OSBPL8: variants seen among roughly 807,000 people sequenced by gnomAD.
OSBPL8 encodes the protein oxysterol-binding protein-related protein 8.
In OSBPL8, 59 loss-of-function variants were observed where a neutral mutation model predicts 125.5. That is an observed-to-expected ratio of 0.47 (90% CI 0.38 to 0.58). The LOEUF is 0.58. Among genes scored for constraint, OSBPL8 ranks in the 20% least tolerant of loss-of-function variants. OSBPL8 has a pLI of 0.00. For synonymous variants in OSBPL8, 330 were observed against 338.9 expected (o/e 0.97, Z 0.29); for missense variants, 758 against 1,047.8 (o/e 0.72, Z 3.82).
chr12:76,389,514 G>A, intron 12 of OSBPL8, 131 bp downstream of exon 12: 2 of 675,132 alleles, frequency 3.0e-6, no homozygotes, highest in East Asian at 5.7e-5. Context: ...AACCACAGAA[G>A]TGGTAGAGAA....
intron 19 of OSBPL8, among the ~76,000 whole-genome samples, chr12:76,370,284 T>C (rs1038156562): frequency 1.3e-5 from 2 of 152,124 alleles, no homozygotes; most frequent in Admixed American, 1.3e-4. Context: ...TCAGAATCTC[T>C]GGGGTCAGGC....
At chr12:76,547,584 G>T (rs1042012545) in intron 1 of OSBPL8, among the ~76,000 whole-genome samples, 1 of 152,114 alleles carries the variant, frequency 6.6e-6, no homozygotes, top group Non-Finnish European at 1.5e-5. Context: ...AAAAGCAATG[G>T]AGGAAAAAAT....
intron 3 of OSBPL8, among the ~76,000 whole-genome samples, chr12:76,457,361 G>T (rs1309883171): frequency 6.6e-6 from 1 of 152,180 alleles, no homozygotes; most frequent in Admixed American, 6.5e-5. Flanking sequence ...TTTTACTTAT[G>T]TAATAGATTT....
chr12:76,374,529 C>A (rs917401180), intron 17 of OSBPL8, among the ~76,000 whole-genome samples: 2 of 152,244 alleles, frequency 1.3e-5, no homozygotes, highest in East Asian at 1.9e-4. Flanking sequence ...CACTTTGAAA[C>A]CCTCAACTGC....
intron 1 of OSBPL8, among the ~76,000 whole-genome samples, chr12:76,514,431 A>ACTT (rs111896364): frequency 0.18 from 26,672 of 151,820 alleles, 2,476 homozygotes; most frequent in Middle Eastern, 0.24. Context: ...GATTACAAGC[A>ACTT]TGAGCCGGCT....
intron 2 of OSBPL8, among the ~76,000 whole-genome samples, chr12:76,469,428 A>G (rs1875850951): frequency 6.6e-6 from 1 of 152,104 alleles, no homozygotes; most frequent in South Asian, 2.1e-4. Context: ...TGCAGGGGAG[A>G]GCCCACAGAG....
At chr12:76,466,949 C>T (rs139183171) in intron 2 of OSBPL8, among the ~76,000 whole-genome samples, 40 of 150,608 alleles carry the variant, frequency 2.7e-4, no homozygotes, top group East Asian at 2.3e-3. Flanking sequence ...TGGACAAGAA[C>T]GAAACTCTGT....
chr12:76,390,305 T>C (rs1271665737), intron 11 of OSBPL8, 115 bp downstream of exon 11: 8 of 761,586 alleles, frequency 1.1e-5, no homozygotes, highest in South Asian at 1.9e-5. Context: ...TTTTAAAATA[T>C]CACATTCTAT....
chr12:76,512,493 G>A (rs954996501), intron 1 of OSBPL8, among the ~76,000 whole-genome samples: 1 of 152,158 alleles, frequency 6.6e-6, no homozygotes, highest in South Asian at 2.1e-4. Context: ...CCAGATGGTT[G>A]TAGGTATGCA....
At chr12:76,419,217 C>CA (rs1304590223) in intron 4 of OSBPL8, among the ~76,000 whole-genome samples, 2 of 152,124 alleles carry the variant, frequency 1.3e-5, no homozygotes, top group Non-Finnish European at 2.9e-5. Context: ...GCCTGGGAGA[C>CA]AGAGCGAGAC....
At chr12:76,485,386 A>G (rs1444007777) in intron 2 of OSBPL8, among the ~76,000 whole-genome samples, 1 of 152,108 alleles carries the variant, frequency 6.6e-6, no homozygotes, top group Non-Finnish European at 1.5e-5. Context: ...ATCCTGACCA[A>G]CATGGAGAAA....
intron 16 of OSBPL8, 58 bp downstream of exon 16, chr12:76,378,394 A>G: frequency 8.6e-7 from 1 of 1,163,472 alleles, no homozygotes; most frequent in South Asian, 1.4e-5. Flanking sequence ...AATCACAGCT[A>G]CATACATTTA....
intron 19 of OSBPL8, among the ~76,000 whole-genome samples, chr12:76,370,436 T>C (rs1952576640): frequency 6.6e-6 from 1 of 152,210 alleles, no homozygotes; most frequent in African/African-American, 2.4e-5. Flanking sequence ...AATAAAAGTA[T>C]ATCTATATCC....
At chr12:76,442,661 T>A in intron 4 of OSBPL8, among the ~76,000 whole-genome samples, 1 of 152,082 alleles carries the variant, frequency 6.6e-6, no homozygotes, top group African/African-American at 2.4e-5. Flanking sequence ...AAAACAATTT[T>A]CCAAAATATA....
Position 76,404,665 on chromosome 12 carries a change from A to G in OSBPL8, c.289-1899T>C, listed in dbSNP as rs139436319. On this transcript the variant is annotated intron_variant, in intron 5 of 23. Transcript: ENST00000261183. ...CTTCCACTTAATAAACAGTAAATATACTTTCTCTTATGATTTTTTAAATAA... is the reference window on the plus strand; with the variant it reads ...CTTCCACTTAATAAACAGTAAATATGCTTTCTCTTATGATTTTTTAAATAA... Among the ~76,000 whole-genome samples the G allele has an allele frequency of 7.9e-5, 12 of 152,224 alleles. 1 individual carries two copies. The East Asian group carries it at 2.3e-3, about 29-fold the overall frequency.
At chr12:76,395,609 T>A (rs368381923) in intron 8 of OSBPL8, among the ~76,000 whole-genome samples, 17 of 152,276 alleles carry the variant, frequency 1.1e-4, no homozygotes, top group African/African-American at 3.8e-4. Flanking sequence ...AAAACCAGTA[T>A]ATAGTGGGAC....
chr12:76,559,352 G>C (rs974785384), intron 1 of OSBPL8, 45 bp downstream of exon 1: 1 of 152,320 alleles, frequency 6.6e-6, no homozygotes, highest in African/African-American at 2.4e-5. Flanking sequence ...CGCCCTGAGG[G>C]GTGCGAACCC....
Position 76,394,682 on chromosome 12 carries a change from G to A in OSBPL8, c.720C>T (p.Ser240=), listed in dbSNP as rs1243128050. Residue 240 remains serine (S), a synonymous_variant, in exon 9 of 24, where the codon AGC becomes AGT. Coordinates refer to ENST00000261183, the MANE Select transcript of OSBPL8 (RefSeq NM_020841.5). ...AAGTAGCTCGGATGATCAAATAACT[G>A]CTAGGTAAGGGTTGAGTAATGGATC... ...AVGSITQPLP[S]SYLIIRATSE... is the part of the protein sequence containing the mutation. The A allele has an allele frequency of 6.2e-7, 1 of 1,612,352 alleles. No homozygotes were observed. Among genetic ancestry groups the A allele is most frequent in the African/African-American group, 1.3e-5 (1 of 74,828 alleles).
At chr12:76,423,283 A>G (rs998944759) in intron 4 of OSBPL8, 1 of 152,288 alleles carries the variant, frequency 6.6e-6, no homozygotes, top group Non-Finnish European at 1.5e-5. Flanking sequence ...GCAGAGAATA[A>G]ACATTTAAGT....
Sources: gnomAD v4.1 joint callset for allele counts (sites outside exome capture counted in the v4.1 genomes callset) on GRCh38, gnomAD v4.1.1 for gene constraint, MANE v1.5 for transcripts, NCBI Gene and HGNC (gene_info 2026-07-23, HGNC 2026-07-21) for gene names.